Variants in TIPARP observed in about 807,000 individuals in gnomAD.
The protein encoded by TIPARP is protein mono-ADP-ribosyltransferase TIPARP.
TIPARP carries 12 observed loss-of-function variants against 56.5 expected under a neutral mutation model. The ratio of observed to expected loss-of-function variants is 0.21; its 90% confidence interval spans 0.14 to 0.34. The LOEUF is 0.34. Among genes scored for constraint, TIPARP ranks in the 10% least tolerant of loss-of-function variants. The pLI, the probability that TIPARP is intolerant of heterozygous loss-of-function variation, is 1.00. For synonymous variants in TIPARP, 296 were observed against 265.7 expected, an observed-to-expected ratio of 1.11 and a Z score of -1.11; for missense variants, 604 against 781.6, an observed-to-expected ratio of 0.77 and a Z score of 2.71.
chr3:156,702,087 GTGGTGGTGA>G (rs1378697100), intron 4 of TIPARP, among the ~76,000 whole-genome samples: 39 of 150,230 alleles, frequency 2.6e-4, no homozygotes, highest in Non-Finnish European at 4.8e-4. Context: ...GGTGGTGGTG[GTGGTGGTGA>G]TGGTGGTGTC....
chr3:156,704,079 A>G (rs575405415), intron 5 of TIPARP, among the ~76,000 whole-genome samples: 1 of 152,306 alleles, frequency 6.6e-6, no homozygotes, highest in African/African-American at 2.4e-5. Flanking sequence ...AATGAGGAAC[A>G]TAATAGTAAA....
At chr3:156,701,065 T>C (rs142320817) in intron 4 of TIPARP, among the ~76,000 whole-genome samples, 198 of 152,346 alleles carry the variant, frequency 1.3e-3, no homozygotes, top group African/African-American at 3.8e-3. Flanking sequence ...ATCAGACAGA[T>C]GTGTATATGC....
At chr3:156,700,504 G>A (rs925990214) in intron 4 of TIPARP, among the ~76,000 whole-genome samples, 1 of 152,152 alleles carries the variant, frequency 6.6e-6, no homozygotes, top group Non-Finnish European at 1.5e-5. Flanking sequence ...TAGAAGGGGT[G>A]GGGTAGGAAG....
intron 4 of TIPARP, among the ~76,000 whole-genome samples, chr3:156,701,530 A>T (rs185401327): frequency 6.6e-6 from 1 of 152,200 alleles, no homozygotes; most frequent in Non-Finnish European, 1.5e-5. Context: ...GGGAGGAGCT[A>T]TTAAATAAAA....
chr3:156,691,992 G>T (rs1213536125), intron 2 of TIPARP, among the ~76,000 whole-genome samples: 1 of 152,046 alleles, frequency 6.6e-6, no homozygotes, highest in Non-Finnish European at 1.5e-5. Context: ...CAGTAATACA[G>T]GCTTAAACAG....
At chr3:156,693,250 T>C (rs1364008852) in intron 2 of TIPARP, among the ~76,000 whole-genome samples, 1 of 152,154 alleles carries the variant, frequency 6.6e-6, no homozygotes, top group Admixed American at 6.6e-5. Context: ...TGAAGTTCCA[T>C]AAAAGAGGAA....
chr3:156,687,342 A>G (rs1182718102), intron 2 of TIPARP, among the ~76,000 whole-genome samples: 1 of 152,336 alleles, frequency 6.6e-6, no homozygotes, highest in Non-Finnish European at 1.5e-5. Flanking sequence ...TTCTGATCTC[A>G]TAAGTGTAAT....
intron 2 of TIPARP, 45 bp downstream of exon 2, chr3:156,678,659 G>A (rs1722214286): frequency 6.5e-7 from 1 of 1,534,120 alleles, no homozygotes; most frequent in African/African-American, 1.4e-5. Context: ...AAATGCTATA[G>A]AGAAGGTAAA....
intron 2 of TIPARP, among the ~76,000 whole-genome samples, chr3:156,678,892 ACT>A (rs777855457): frequency 6.6e-6 from 1 of 152,216 alleles, no homozygotes; most frequent in Non-Finnish European, 1.5e-5. Context: ...TGAATCAAAT[ACT>A]GTTTTAATCA....
At chr3:156,678,707 T>A (rs1722214878) in intron 2 of TIPARP, 93 bp downstream of exon 2, 21 of 1,127,494 alleles carry the variant, frequency 1.9e-5, no homozygotes, top group Non-Finnish European at 2.5e-5. Context: ...CTTTCAGTAG[T>A]AACAGGTTTT....
chr3:156,695,845 T>TTTTTTTTTTTTTTTC lies in TIPARP; in HGVS notation c.1087-19_1087-18insTTTTTTTTTTTTTCT. On this transcript the variant is annotated intron_variant, in intron 3 of 5. Coordinates refer to ENST00000295924, the MANE Select transcript of TIPARP (RefSeq NM_015508.5). Reference sequence around the variant, plus strand: ...ACTTTCCTTTTTTTTTTTTTTTTTGTTCTGTTTTCTCCTCCATAGTCTGTC... The same window carrying TTTTTTTTTTTTTTTC: ...ACTTTCCTTTTTTTTTTTTTTTTTGTTTTTTTTTTTTTTTCTCTGTTTTCTCCTCCATAGTCTGTC... 3 of 1,438,718 alleles carry TTTTTTTTTTTTTTTC rather than the reference T, an allele frequency of 2.1e-6. No individual in the cohort carries two copies. The highest frequency in any genetic ancestry group is 1.5e-5 in the South Asian group (1 of 64,770). 89.1% of individuals were successfully genotyped at this position (1,438,718 alleles called of 1,614,324 possible).
Position 156,703,446 on chromosome 3 carries a change from C to G in TIPARP, c.1270C>G (p.Gln424Glu). ...YLQTLGGVPT[Q>E]APPPLEATSS... ...TAGGACACTTGGTGGGGTTCCCACA[C>G]AAGCTCCTCCACCTCTTGAAGCAAC... The change falls in exon 5 of 6, where the codon CAA (glutamine) becomes GAA (glutamate). Residue 424 changes from glutamine (Q) to glutamate (E), a missense_variant. Coordinates refer to ENST00000295924, the MANE Select transcript of TIPARP (RefSeq NM_015508.5). 1 of 1,614,158 alleles carries G rather than the reference C, an allele frequency of 6.2e-7. No individual in the cohort carries two copies.
Position 156,677,861 on chromosome 3 carries a change from C to T in TIPARP, c.164C>T (p.Ser55Phe). The change falls in exon 2 of 6, where the codon TCT (serine) becomes TTT (phenylalanine). Residue 55 changes from serine to phenylalanine, a missense_variant. By Grantham distance (155) the Ser-to-Phe change is radical. Transcript: ENST00000295924. The stretch of plus-strand genomic sequence containing the variant: ...AGATTGGGAACTGGAACCCTGAGGT[C>T]TTTGAGGCCAATATTAAACACTCTT... The part of the protein sequence containing the change: ...QKRLGTGTLR[S>F]LRPILNTLLE... The T allele has an allele frequency of 6.2e-7, 1 of 1,614,104 alleles. No individual in the cohort carries two copies. The highest frequency in any genetic ancestry group is 1.1e-5 in the South Asian group (1 of 91,086).
chr3:156,683,301 A>G (rs1722350107), intron 2 of TIPARP, among the ~76,000 whole-genome samples: 1 of 152,184 alleles, frequency 6.6e-6, no homozygotes, highest in Admixed American at 6.5e-5. Context: ...TATTGTAAGT[A>G]AGAAAAAAAA....
intron 2 of TIPARP, among the ~76,000 whole-genome samples, chr3:156,683,705 C>G (rs1722360046): frequency 6.6e-6 from 1 of 152,128 alleles, no homozygotes; most frequent in Non-Finnish European, 1.5e-5. Context: ...TAAAGATAAA[C>G]TTCATAAGTT....
At position 156,702,019 on chromosome 3, in the gene TIPARP, CGGTGGTGGTGGTGGT is replaced by C. The variant is rs67188281; in HGVS notation, c.1248-1365_1248-1351del. On this transcript the variant is annotated intron_variant, in intron 4 of 5. Transcript: ENST00000295924. ...AAAAGACTGTGTGTTGATGATAATG[CGGTGGTGGTGGTGGT>C]GGTGGTGGTGGTGGTGGTGGTGGTG... is the stretch of plus-strand genomic sequence containing the variant. Among the ~76,000 whole-genome samples, 595 of 98,660 alleles carry C rather than the reference CGGTGGTGGTGGTGGT, an allele frequency of 6.0e-3. 5 individuals are homozygous for C. The highest frequency in any genetic ancestry group is 0.019 in the African/African-American group (473 of 24,538). The allele number at this position is 98,660 out of a possible 152,430, so 64.7% of individuals were successfully genotyped here.
In TIPARP at chr3:156,677,667, C is replaced by T. The variant is rs765707378; in HGVS notation, c.-31C>T. 3.3e-6 allele frequency: 5 copies of T among 1,522,596 alleles called. No individual in the cohort carries two copies. The highest frequency in any genetic ancestry group is 1.3e-5 in the South Asian group (1 of 74,402). The allele number at this position is 1,522,596 out of a possible 1,614,324, so 94.3% of individuals were successfully genotyped here. On this transcript the variant is annotated 5_prime_UTR_variant, in exon 2 of 6. Coordinates refer to ENST00000295924, the MANE Select transcript of TIPARP (RefSeq NM_015508.5). The stretch of plus-strand genomic sequence containing the variant: ...TTCCTTTCCTCGTAGGATTTTTAGA[C>T]TCTGAGGAGCAGTTGGAGCTAATCC...
intron 2 of TIPARP, among the ~76,000 whole-genome samples, chr3:156,693,440 T>C (rs1255499311): frequency 6.6e-6 from 1 of 152,190 alleles, no homozygotes; most frequent in Non-Finnish European, 1.5e-5. Context: ...CCAAACTTTT[T>C]TTTTCTTCAT....
intron 2 of TIPARP, among the ~76,000 whole-genome samples, chr3:156,686,987 A>C (rs1722447015): frequency 6.6e-6 from 1 of 152,140 alleles, no homozygotes. Flanking sequence ...TTTATTGTTT[A>C]CTTTGAGATA....
Sources: allele counts gnomAD v4.1 joint callset (sites outside exome capture counted in the v4.1 genomes callset), GRCh38; gene constraint gnomAD v4.1.1; transcripts MANE v1.5; gene names NCBI Gene and HGNC (gene_info 2026-07-23, HGNC 2026-07-21).